Variants in MRTFB observed in about 807,000 individuals in gnomAD.
MRTFB encodes myocardin-related transcription factor B.
In MRTFB, 29 loss-of-function variants were observed where a neutral mutation model predicts 104.2. The observed-to-expected ratio is 0.28, with a 90% CI of 0.21 to 0.38. The LOEUF is 0.38. Ranked by LOEUF, MRTFB falls within the 10% of genes least tolerant of loss-of-function variation. MRTFB has a pLI of 1.00. For synonymous variants in MRTFB, 535 were observed against 519.5 expected (o/e 1.03, Z -0.41); for missense variants, 1,270 against 1,341.6 (o/e 0.95, Z 0.83).
chr16:14,087,232 A>G (rs1021932624), intron 2 of MRTFB, among the ~76,000 whole-genome samples: 2 of 152,176 alleles, frequency 1.3e-5, no homozygotes, highest in African/African-American at 4.8e-5. Flanking sequence ...GAGTTTGGAA[A>G]GGGGAGGAGA....
In MRTFB at chr16:14,251,869, C is replaced by T. The variant is rs1394207262; in HGVS notation, c.2411C>T (p.Thr804Ile). The T allele has an allele frequency of 1.2e-6, 2 of 1,613,722 alleles. No individual in the cohort carries two copies. Among genetic ancestry groups the T allele is most frequent in the Middle Eastern group, 3.3e-4 (2 of 6,062 alleles). Reference sequence around the variant, plus strand: ...AACATTTATTCATTACAGGTTTTCACAAACTCAGCATCATCAAATACAGTT... The same window carrying T: ...AACATTTATTCATTACAGGTTTTCATAAACTCAGCATCATCAAATACAGTT... ...SQPQQVRKVFTNSASSNTVLP... is the reference protein window; with the variant it reads ...SQPQQVRKVFINSASSNTVLP... The change falls in exon 14 of 17, where the codon ACA (threonine) becomes ATA (isoleucine). Residue 804 changes from threonine to isoleucine, a missense_variant. By Grantham distance (89) the Thr-to-Ile change is moderately conservative. Transcript: ENST00000571589.
At chr16:14,182,998 T>C (rs1334757989) in intron 3 of MRTFB, among the ~76,000 whole-genome samples, 2 of 152,200 alleles carry the variant, frequency 1.3e-5, no homozygotes, top group Non-Finnish European at 2.9e-5. Context: ...GCAGCCATCA[T>C]AGTGATAAAT....
chr16:14,015,624 C>T, the MRTFB span, among the ~76,000 whole-genome samples: 1 of 152,118 alleles, frequency 6.6e-6, no homozygotes, highest in African/African-American at 2.4e-5. Context: ...CTGAAAGGGC[C>T]CCGAGAAGAG....
At chr16:14,105,230 C>T (rs575862864) in intron 2 of MRTFB, among the ~76,000 whole-genome samples, 2 of 152,226 alleles carry the variant, frequency 1.3e-5, no homozygotes, top group East Asian at 1.9e-4. Context: ...ACCCCTTGTA[C>T]CTCATTGCTG....
In MRTFB at chr16:14,106,990, G is replaced by C. The variant is rs868368953; in HGVS notation, c.-64+27636G>C. 3.3e-5 allele frequency among the ~76,000 whole-genome samples: 5 copies of C among 152,210 alleles called. No homozygotes were observed. In the South Asian group the frequency reaches 8.3e-4, roughly 25 times the overall value. On this transcript the variant is annotated intron_variant, in intron 2 of 16. Transcript: ENST00000571589. The stretch of plus-strand genomic sequence containing the variant: ...TGGCCCATTTACTGTTTTCCAGGAG[G>C]TCTAGGCGTAGGTTACCAGAGAGAA...
intron 4 of MRTFB, among the ~76,000 whole-genome samples, chr16:14,210,568 T>G (rs1861131936): frequency 6.6e-6 from 1 of 152,210 alleles, no homozygotes; most frequent in African/African-American, 2.4e-5. Context: ...TAACATTCAT[T>G]CTTTCTTTAA....
At chr16:14,043,007 G>C in the MRTFB span, among the ~76,000 whole-genome samples, 1 of 152,168 alleles carries the variant, frequency 6.6e-6, no homozygotes, top group African/African-American at 2.4e-5. Flanking sequence ...TCAGATTTAC[G>C]GGTAGCCCGG....
At chr16:14,108,639 C>G (rs1242242232) in intron 2 of MRTFB, among the ~76,000 whole-genome samples, 1 of 152,154 alleles carries the variant, frequency 6.6e-6, no homozygotes, top group Admixed American at 6.5e-5. Flanking sequence ...ACTTCTCTCT[C>G]CCCTTGGATT....
At chr16:14,233,904 C>T (rs1205639563) in intron 8 of MRTFB, among the ~76,000 whole-genome samples, 1 of 151,968 alleles carries the variant, frequency 6.6e-6, no homozygotes, top group African/African-American at 2.4e-5. Context: ...AGAAAATACT[C>T]CAGTATCGTC....
chr16:14,230,456 T>A (rs557974208), intron 8 of MRTFB, among the ~76,000 whole-genome samples: 2 of 151,840 alleles, frequency 1.3e-5, no homozygotes, highest in South Asian at 4.2e-4. Flanking sequence ...AACAACCCCA[T>A]CAAAAAGTGG....
chr16:14,238,231 A>G (rs1170850834), intron 9 of MRTFB, among the ~76,000 whole-genome samples: 1 of 152,196 alleles, frequency 6.6e-6, no homozygotes, highest in African/African-American at 2.4e-5. Flanking sequence ...ATGGGCTCCC[A>G]CAACACAATT....
chr16:14,098,791 T>G (rs1456832953), intron 2 of MRTFB, among the ~76,000 whole-genome samples: 1 of 152,250 alleles, frequency 6.6e-6, no homozygotes, highest in Non-Finnish European at 1.5e-5. Context: ...AAGTTCATAT[T>G]TCTTGCATAT....
At position 14,200,303 on chromosome 16, in the gene MRTFB, C is replaced by T. The variant is rs1009188384; in HGVS notation, c.155-9940C>T. Reference sequence around the variant, plus strand: ...TAGATTCTGAGTTCCGACCCGGACCCGTACGCTGCTGCGCTGACGTGGCTC... The same window carrying T: ...TAGATTCTGAGTTCCGACCCGGACCTGTACGCTGCTGCGCTGACGTGGCTC... On this transcript the variant is annotated intron_variant, in intron 3 of 16. Coordinates refer to ENST00000571589, the MANE Select transcript of MRTFB (RefSeq NM_001308142.2). 1.5e-5 allele frequency: 24 copies of T among 1,603,118 alleles called. 1 individual carries two copies. Among genetic ancestry groups the T allele is most frequent in the Admixed American group, 5.0e-5 (3 of 59,714 alleles).
At chr16:14,141,086 T>C (rs968122940) in intron 3 of MRTFB, 9 of 251,134 alleles carry the variant, frequency 3.6e-5, no homozygotes, top group African/African-American at 2.0e-4. Flanking sequence ...GGGAAGTACA[T>C]TGTGGATATG....
intron 3 of MRTFB, among the ~76,000 whole-genome samples, chr16:14,193,431 G>T (rs2040284235): frequency 6.6e-6 from 1 of 151,892 alleles, no homozygotes; most frequent in South Asian, 2.1e-4. Context: ...CCAGCCCCTG[G>T]CCTGAGCACC....
At chr16:14,125,368 C>CTG (rs2142340986) in intron 2 of MRTFB, among the ~76,000 whole-genome samples, 1 of 152,358 alleles carries the variant, frequency 6.6e-6, no homozygotes, top group Admixed American at 6.5e-5. Context: ...GGGGTAAATA[C>CTG]TGTGGGCTTG....
chr16:14,070,716 G>A (rs942874208), upstream of MRTFB, among the ~76,000 whole-genome samples: 1 of 152,272 alleles, frequency 6.6e-6, no homozygotes, highest in Non-Finnish European at 1.5e-5. Context: ...CGGCTGAGAG[G>A]CAGCGCCTTG....
At chr16:14,003,840 A>G in the MRTFB span, among the ~76,000 whole-genome samples, 1 of 152,170 alleles carries the variant, frequency 6.6e-6, no homozygotes, top group Admixed American at 6.5e-5. Context: ...AATGGTGAGG[A>G]CTGTTCCCTA....
chr16:14,258,550 G>C (rs1365219413), intron 16 of MRTFB, among the ~76,000 whole-genome samples: 1 of 152,224 alleles, frequency 6.6e-6, no homozygotes, highest in Non-Finnish European at 1.5e-5. Flanking sequence ...AACTGTGATA[G>C]CTTAAAACAG....
Sources: gnomAD v4.1 joint callset for allele counts (sites outside exome capture counted in the v4.1 genomes callset) on GRCh38, gnomAD v4.1.1 for gene constraint, MANE v1.5 for transcripts, NCBI Gene and HGNC (gene_info 2026-07-23, HGNC 2026-07-21) for gene names.